Variants in ZNF536 observed in about 807,000 individuals in gnomAD.
The protein encoded by ZNF536 is zinc finger protein 536.
In ZNF536, 13 loss-of-function variants were observed where a neutral mutation model predicts 84.5. That is an observed-to-expected ratio of 0.15 (90% CI 0.10 to 0.24). The LOEUF is 0.24. ZNF536 is among the 10% of genes least tolerant of loss of function. The probability of loss-of-function intolerance (pLI) is 1.00; values close to 1 mark genes in which losing one functional copy is unlikely to be tolerated. For missense variants in ZNF536, 1,536 were observed against 1,747.5 expected, an observed-to-expected ratio of 0.88 and a Z score of 2.16; for synonymous variants, 811 against 742.5, an observed-to-expected ratio of 1.09 and a Z score of -1.50.
At chr19:30,633,547 C>T (rs993468543) in intron 1 of ZNF536, among the ~76,000 whole-genome samples, 5 of 152,168 alleles carry the variant, frequency 3.3e-5, no homozygotes, top group Non-Finnish European at 7.3e-5. Flanking sequence ...GAGGCTTCAA[C>T]TTCTGGTAAC....
chr19:30,419,225 G>A (rs1259178804), intron 1 of ZNF536, among the ~76,000 whole-genome samples: 1 of 152,176 alleles, frequency 6.6e-6, no homozygotes, highest in African/African-American at 2.4e-5. Context: ...GAGTTTTAAG[G>A]CAGAACGCTC....
chr19:30,511,019 T>C (rs1001610716), intron 2 of ZNF536, among the ~76,000 whole-genome samples: 2 of 152,164 alleles, frequency 1.3e-5, no homozygotes, highest in Non-Finnish European at 2.9e-5. Context: ...ACAAAGGAAA[T>C]AACACTCTGA....
At chr19:30,532,095 A>C (rs1426185241) in intron 2 of ZNF536, among the ~76,000 whole-genome samples, 1 of 151,298 alleles carries the variant, frequency 6.6e-6, no homozygotes, top group Non-Finnish European at 1.5e-5. Context: ...AGAGCATGCC[A>C]CAGGAGGCCC....
At chr19:30,611,982 T>G (rs767023200) in intron 1 of ZNF536, among the ~76,000 whole-genome samples, 14 of 152,074 alleles carry the variant, frequency 9.2e-5, no homozygotes, top group Non-Finnish European at 1.8e-4. Context: ...TCTTTTGCTG[T>G]TTGGTCGTGG....
intron 1 of ZNF536, among the ~76,000 whole-genome samples, chr19:30,654,710 T>G (rs1034242611): frequency 6.6e-6 from 1 of 152,046 alleles, no homozygotes; most frequent in Non-Finnish European, 1.5e-5. Context: ...AGGCTTGTTT[T>G]TTTTCTCCAT....
At chr19:30,514,544 C>A (rs2055554235) in intron 2 of ZNF536, among the ~76,000 whole-genome samples, 1 of 151,904 alleles carries the variant, frequency 6.6e-6, no homozygotes, top group Non-Finnish European at 1.5e-5. Flanking sequence ...ACGGGAAGAC[C>A]CAGTGTCCCA....
At chr19:30,441,021 T>G (rs1248822100) in intron 1 of ZNF536, among the ~76,000 whole-genome samples, 1 of 152,206 alleles carries the variant, frequency 6.6e-6, no homozygotes, top group Non-Finnish European at 1.5e-5. Flanking sequence ...GAGCTGTCAC[T>G]TGCATAGCAT....
At chr19:30,487,605 A>T (rs2054350913) in intron 2 of ZNF536, among the ~76,000 whole-genome samples, 1 of 152,162 alleles carries the variant, frequency 6.6e-6, no homozygotes. Context: ...CATTACTTCC[A>T]TAAAATTTTT....
chr19:30,285,747 GGCCCTCCCGTGCACT>G (rs1387044251), intron 2 of ZNF536, among the ~76,000 whole-genome samples: 3 of 152,000 alleles, frequency 2.0e-5, no homozygotes, highest in African/African-American at 7.2e-5. Context: ...TTGGTTGCGG[GGCCCTCCCGTGCACT>G]GCAGAATGTT....
At chr19:30,326,863 T>TTTGGGA (rs1439707015) in intron 2 of ZNF536, among the ~76,000 whole-genome samples, 1 of 138,716 alleles carries the variant, frequency 7.2e-6, no homozygotes, top group Non-Finnish European at 1.5e-5. Context: ...ATCCCAGTGT[T>TTTGGGA]TTGGGAGGCT....
chr19:30,614,744 T>C (rs71350821), intron 1 of ZNF536, among the ~76,000 whole-genome samples: 1 of 151,752 alleles, frequency 6.6e-6, no homozygotes, highest in Non-Finnish European at 1.5e-5. Flanking sequence ...ATTAAGGAAA[T>C]TAGCCCATTT....
intron 2 of ZNF536, among the ~76,000 whole-genome samples, chr19:30,314,809 C>T (rs982342649): frequency 7.2e-5 from 11 of 152,080 alleles, no homozygotes; most frequent in African/African-American, 2.4e-4. Flanking sequence ...GGTGATCGCA[C>T]CCAACCCCTC....
intron 1 of ZNF536, among the ~76,000 whole-genome samples, chr19:30,440,226 G>T (rs1156776045): frequency 6.6e-6 from 1 of 151,956 alleles, no homozygotes; most frequent in Non-Finnish European, 1.5e-5. Context: ...CTCCCAAAGT[G>T]CTGGGATTAC....
chr19:30,252,273 A>G (rs1168104584), intron 1 of ZNF536, among the ~76,000 whole-genome samples: 1 of 152,236 alleles, frequency 6.6e-6, no homozygotes, highest in Admixed American at 6.5e-5. Flanking sequence ...AAGAATGACC[A>G]TAATAAAAAA....
chr19:30,492,554 T>A (rs1187159473), intron 2 of ZNF536, among the ~76,000 whole-genome samples: 1 of 152,244 alleles, frequency 6.6e-6, no homozygotes, highest in African/African-American at 2.4e-5. Flanking sequence ...ATTATAAAAA[T>A]GATCTGTGAT....
At chr19:30,710,149 T>A (rs893873351) in intron 1 of ZNF536, among the ~76,000 whole-genome samples, 1 of 152,238 alleles carries the variant, frequency 6.6e-6, no homozygotes, top group African/African-American at 2.4e-5. Context: ...TTTTGCCTCT[T>A]TGCCTGCAAA....
At chr19:30,340,067 C>T (rs1206656629) in intron 2 of ZNF536, among the ~76,000 whole-genome samples, 4 of 152,190 alleles carry the variant, frequency 2.6e-5, no homozygotes, top group Non-Finnish European at 5.9e-5. Flanking sequence ...ACCCCCTCTT[C>T]CCGCCCGTCC....
At chr19:30,309,383 T>A (rs2046432150) in intron 2 of ZNF536, among the ~76,000 whole-genome samples, 1 of 152,234 alleles carries the variant, frequency 6.6e-6, no homozygotes, top group Admixed American at 6.5e-5. Context: ...AGTATGTAGG[T>A]CACATTACTG....
At chr19:30,428,892 C>T (rs2051327554) in intron 1 of ZNF536, among the ~76,000 whole-genome samples, 1 of 152,168 alleles carries the variant, frequency 6.6e-6, no homozygotes, top group Non-Finnish European at 1.5e-5. Flanking sequence ...CAGGGTTTGG[C>T]TATGCGGTCC....
Sources: gnomAD v4.1 joint callset for allele counts (sites outside exome capture counted in the v4.1 genomes callset) on GRCh38, gnomAD v4.1.1 for gene constraint, MANE v1.5 for transcripts, NCBI Gene and HGNC (gene_info 2026-07-23, HGNC 2026-07-21) for gene names.